Variants in USP45 observed in about 807,000 individuals in gnomAD.
USP45 encodes the protein ubiquitin carboxyl-terminal hydrolase 45.
USP45 carries 89 observed loss-of-function variants against 95.8 expected under a neutral mutation model. The observed-to-expected ratio is 0.93, with a 90% CI of 0.78 to 1.11. The LOEUF (loss-of-function observed/expected upper bound fraction) is 1.11. Among genes scored for constraint, USP45 ranks in the 50% least tolerant of loss-of-function variants. The pLI is 0.00. For missense variants in USP45, 898 were observed against 942.5 expected, an observed-to-expected ratio of 0.95 and a Z score of 0.62; for synonymous variants, 281 against 316.2, an observed-to-expected ratio of 0.89 and a Z score of 1.18.
At chr6:99,465,973 T>C (rs937865140) in intron 11 of USP45, among the ~76,000 whole-genome samples, 2 of 152,090 alleles carry the variant, frequency 1.3e-5, no homozygotes, top group African/African-American at 4.8e-5. Flanking sequence ...AAAGGTGATA[T>C]AACCACCCTA....
At chr6:99,471,608 C>T (rs1292719628) in intron 9 of USP45, among the ~76,000 whole-genome samples, 1 of 152,162 alleles carries the variant, frequency 6.6e-6, no homozygotes, top group Non-Finnish European at 1.5e-5. Flanking sequence ...TGATTTTGTA[C>T]ATGAAAAATT....
intron 5 of USP45, 29 bp downstream of exon 5, chr6:99,503,736 C>G (rs751198023): frequency 1.8e-5 from 25 of 1,418,916 alleles, no homozygotes; most frequent in Non-Finnish European, 2.0e-5. Context: ...TATTTTAACA[C>G]AGATTCCTTT....
At chr6:99,493,066 T>C (rs2128747247) in intron 5 of USP45, among the ~76,000 whole-genome samples, 1 of 152,216 alleles carries the variant, frequency 6.6e-6, no homozygotes, top group Admixed American at 6.5e-5. Context: ...TCTCATTCTG[T>C]TGCCCAGGCT....
chr6:99,513,215 T>C (rs932171566), intron 1 of USP45, among the ~76,000 whole-genome samples: 1 of 152,136 alleles, frequency 6.6e-6, no homozygotes, highest in Non-Finnish European at 1.5e-5. Context: ...CAATTAACCA[T>C]TTTCTCCATG....
At chr6:99,468,652 A>G in intron 9 of USP45, 34 bp from the exon 10 acceptor site, 1 of 1,433,230 alleles carries the variant, frequency 7.0e-7, no homozygotes, top group South Asian at 1.2e-5. Context: ...CTGGTCTAAT[A>G]ATAGTTAACT....
chr6:99,462,160 T>A (rs1421526887), intron 13 of USP45: 1 of 979,276 alleles, frequency 1.0e-6, no homozygotes, highest in Non-Finnish European at 1.2e-6. Flanking sequence ...AAACGTTCAA[T>A]AAAGAATAGG....
chr6:99,495,189 T>G (rs1796043560), intron 5 of USP45, among the ~76,000 whole-genome samples: 1 of 152,142 alleles, frequency 6.6e-6, no homozygotes, highest in African/African-American at 2.4e-5. Context: ...GTAATCAAAA[T>G]TTATACTTTG....
intron 1 of USP45, among the ~76,000 whole-genome samples, chr6:99,511,672 CG>C (rs1164697176): frequency 4.0e-5 from 6 of 151,848 alleles, no homozygotes; most frequent in African/African-American, 4.8e-5. Context: ...AGGCTGGTCT[CG>C]AACTCCTGGG....
upstream of USP45, among the ~76,000 whole-genome samples, chr6:99,515,770 CT>C (rs56926251): frequency 4.0e-3 from 352 of 88,450 alleles, no homozygotes; most frequent in Admixed American, 9.1e-3. Context: ...CCTCTGAACT[CT>C]TTTTTTTTTT....
At chr6:99,472,113 C>T (rs983805891) in intron 9 of USP45, among the ~76,000 whole-genome samples, 1 of 151,374 alleles carries the variant, frequency 6.6e-6, no homozygotes, top group Non-Finnish European at 1.5e-5. Context: ...AGAGGTAAAA[C>T]AGAAAAAAGT....
At chr6:99,466,822 A>C (rs1788100273) in intron 10 of USP45, 59 bp from the exon 11 acceptor site, 2 of 1,269,174 alleles carry the variant, frequency 1.6e-6, no homozygotes, top group Admixed American at 3.5e-5. Flanking sequence ...TAGCAGTATA[A>C]TAGGCTATCT....
upstream of USP45, among the ~76,000 whole-genome samples, chr6:99,516,610 A>G (rs1266634308): frequency 1.3e-5 from 2 of 152,210 alleles, no homozygotes; most frequent in Admixed American, 6.5e-5. Flanking sequence ...TGTTACAGGT[A>G]TAGAGGTACA....
upstream of USP45, among the ~76,000 whole-genome samples, chr6:99,516,643 A>AT (rs1223921388): frequency 6.6e-6 from 1 of 152,028 alleles, no homozygotes. Context: ...GGTTAGGATA[A>AT]TTTTTTTCCC....
intron 8 of USP45, among the ~76,000 whole-genome samples, chr6:99,478,938 T>A (rs1188917569): frequency 6.7e-6 from 1 of 148,290 alleles, no homozygotes. Context: ...GGAAGTCAGA[T>A]AAAAAAAGAG....
chr6:99,470,582 A>G (rs984759702), intron 9 of USP45, among the ~76,000 whole-genome samples: 7 of 152,232 alleles, frequency 4.6e-5, no homozygotes, highest in Non-Finnish European at 8.8e-5. Flanking sequence ...AAATACACTT[A>G]TATACTATAA....
chr6:99,484,007 T>TTTTTTTTG (rs1793152647), intron 7 of USP45, among the ~76,000 whole-genome samples: 1 of 132,438 alleles, frequency 7.6e-6, no homozygotes, highest in Non-Finnish European at 1.6e-5. Flanking sequence ...TTCCATAGTT[T>TTTTTTTTG]TTTTTTTTTT....
chr6:99,454,543 A>G (rs1784581448), intron 13 of USP45, among the ~76,000 whole-genome samples: 1 of 152,188 alleles, frequency 6.6e-6, no homozygotes, highest in African/African-American at 2.4e-5. Context: ...CAAACTCTTC[A>G]TCCTATAAGG....
intron 7 of USP45, 41 bp downstream of exon 7, chr6:99,488,159 C>T: frequency 1.5e-6 from 2 of 1,372,676 alleles, no homozygotes; most frequent in African/African-American, 1.4e-5. Flanking sequence ...ACATCAGTGG[C>T]TCATCTGAAA....
chr6:99,443,231 AC>A (rs1781851465), intron 15 of USP45, among the ~76,000 whole-genome samples: 1 of 151,730 alleles, frequency 6.6e-6, no homozygotes, highest in Non-Finnish European at 1.5e-5. Context: ...CTGGTCTCGA[AC>A]TCCTGACCTC....
Sources: gnomAD v4.1 joint callset for allele counts (sites outside exome capture counted in the v4.1 genomes callset) on GRCh38, gnomAD v4.1.1 for gene constraint, MANE v1.5 for transcripts, NCBI Gene and HGNC (gene_info 2026-07-23, HGNC 2026-07-21) for gene names.